MPDZ: variants seen among roughly 807,000 people sequenced by gnomAD.
MPDZ encodes the protein multiple PDZ domain crumbs cell polarity complex component, also known as multiple PDZ domain protein.
A neutral mutation model predicts 239.1 loss-of-function variants in MPDZ; 234 were observed. The observed-to-expected ratio is 0.98, with a 90% CI of 0.88 to 1.09. The LOEUF (loss-of-function observed/expected upper bound fraction) is 1.09. Ranked by LOEUF, MPDZ falls within the 50% of genes least tolerant of loss-of-function variation. The pLI, the probability that MPDZ is intolerant of heterozygous loss-of-function variation, is 0.00. For synonymous variants in MPDZ, 1,048 were observed against 881.3 expected, an observed-to-expected ratio of 1.19 and a Z score of -3.35; for missense variants, 3,175 against 2,510.0, an observed-to-expected ratio of 1.26 and a Z score of -5.66.
chr9:13,260,222 C>T lies in MPDZ; in HGVS notation c.-57-9850G>A, dbSNP rs1970361395. 2.0e-5 allele frequency among the ~76,000 whole-genome samples: 3 copies of T among 151,710 alleles called. No homozygotes were observed. The South Asian group carries it at 6.2e-4, about 32-fold the overall frequency. ...ATCACTCTGGCAATGGTATGGAGGACATACAAAAATCAAGAGAAGCTATGG... is the reference window on the plus strand; with the variant it reads ...ATCACTCTGGCAATGGTATGGAGGATATACAAAAATCAAGAGAAGCTATGG... On this transcript the variant is annotated intron_variant, in intron 1 of 46. Coordinates refer to ENST00000319217, the MANE Select transcript of MPDZ (RefSeq NM_001378778.1).
At position 13,244,138 on chromosome 9, in the gene MPDZ, T is replaced by A. The variant is rs140348773; in HGVS notation, c.183+3497A>T. On this transcript the variant is annotated intron_variant, in intron 3 of 46. Coordinates refer to ENST00000319217, the MANE Select transcript of MPDZ (RefSeq NM_001378778.1). ...AGATAATTCAGGGTAAAAAGATTAA[T>A]TTAGTGCCACTGGTCAATTCTTAAG... 1.3e-5 allele frequency among the ~76,000 whole-genome samples: 2 copies of A among 152,212 alleles called. 1 individual carries two copies. Among genetic ancestry groups the A allele is most frequent in the African/African-American group, 4.8e-5 (2 of 41,456 alleles).
intron 3 of MPDZ, among the ~76,000 whole-genome samples, chr9:13,245,435 A>T (rs1286818800): frequency 1.3e-5 from 2 of 151,526 alleles, no homozygotes; most frequent in East Asian, 1.9e-4. Context: ...AAGAAGAAGA[A>T]GATGTGAGAC....
chr9:13,166,152 C>T (rs1211181977), intron 22 of MPDZ, among the ~76,000 whole-genome samples: 2 of 152,002 alleles, frequency 1.3e-5, no homozygotes, highest in Non-Finnish European at 2.9e-5. Flanking sequence ...TGGATGGAGC[C>T]TAGATCCAGG....
At chr9:13,233,580 AT>A (rs1319173973) in intron 3 of MPDZ, among the ~76,000 whole-genome samples, 3 of 152,160 alleles carry the variant, frequency 2.0e-5, no homozygotes, top group African/African-American at 7.2e-5. Flanking sequence ...TGAGGGTTAC[AT>A]GTATATTTAA....
intron 40 of MPDZ, 79 bp downstream of exon 40, chr9:13,115,169 C>G (rs572072412): frequency 1.6e-6 from 2 of 1,246,720 alleles, no homozygotes; most frequent in African/African-American, 1.5e-5. Context: ...ACCTTGTACA[C>G]AGACCCACAG....
In MPDZ at chr9:13,109,107, C is replaced by CTA. The variant is rs768376964; in HGVS notation, c.5943-50_5943-49dup. 7.5e-5 allele frequency: 91 copies of CTA among 1,214,202 alleles called. 1 individual carries two copies. Among genetic ancestry groups the CTA allele is most frequent in the East Asian group, 2.1e-4 (7 of 33,234 alleles). 75.2% of individuals were successfully genotyped at this position (1,214,202 alleles called of 1,614,324 possible). A position where few individuals can be genotyped will look rare whatever the true frequency, so the allele number is the denominator to read the frequency against. On this transcript the variant is annotated intron_variant, in intron 45 of 46. Transcript: ENST00000319217. ...GAGGTTTTAAATTAAAAAAAAAAAA[C>CTA]TATACATATATGTTATGAATTATCT... is the stretch of plus-strand genomic sequence containing the variant.
intron 10 of MPDZ, among the ~76,000 whole-genome samples, chr9:13,207,268 A>G (rs554967297): frequency 2.0e-5 from 3 of 152,166 alleles, no homozygotes; most frequent in African/African-American, 4.8e-5. Context: ...AGATATGATC[A>G]TATCTCCCCA....
intron 1 of MPDZ, among the ~76,000 whole-genome samples, chr9:13,255,400 T>C (rs1969195547): frequency 6.6e-6 from 1 of 152,218 alleles, no homozygotes. Flanking sequence ...ACAAATATCT[T>C]AATGGCATTT....
chr9:13,182,768 T>C (rs1021059954), intron 19 of MPDZ, among the ~76,000 whole-genome samples: 4 of 152,296 alleles, frequency 2.6e-5, no homozygotes, highest in South Asian at 2.1e-4. Flanking sequence ...GTATTACTTA[T>C]TGAACATTAT....
chr9:13,265,320 A>C (rs1013739150), intron 1 of MPDZ, among the ~76,000 whole-genome samples: 1 of 152,198 alleles, frequency 6.6e-6, no homozygotes, highest in Admixed American at 6.5e-5. Context: ...CTGTCATCCC[A>C]GCACTTTGGG....
intron 39 of MPDZ, among the ~76,000 whole-genome samples, chr9:13,118,033 G>A (rs1337986966): frequency 2.6e-5 from 4 of 151,746 alleles, no homozygotes; most frequent in Admixed American, 1.3e-4. Context: ...TAGTAGAGAC[G>A]GGGTTTCTCC....
At position 13,184,950 on chromosome 9, in the gene MPDZ, G is replaced by T. The variant is rs563780448; in HGVS notation, c.2481+1320C>A. Among the ~76,000 whole-genome samples, 5 of 152,066 alleles carry T rather than the reference G, an allele frequency of 3.3e-5. No individual in the cohort carries two copies. In the East Asian group the frequency reaches 9.7e-4, roughly 29 times the overall value. ...GTGGAACTAATCTTCCTTTTGATTGGTATCCATTAAGGAGGTTCAAGGAAG... is the reference window on the plus strand; with the variant it reads ...GTGGAACTAATCTTCCTTTTGATTGTTATCCATTAAGGAGGTTCAAGGAAG... On this transcript the variant is annotated intron_variant, in intron 18 of 46. Coordinates refer to ENST00000319217, the MANE Select transcript of MPDZ (RefSeq NM_001378778.1).
intron 10 of MPDZ, among the ~76,000 whole-genome samples, chr9:13,206,440 G>A (rs545586981): frequency 3.3e-5 from 5 of 152,080 alleles, no homozygotes; most frequent in Admixed American, 2.6e-4. Context: ...CCAGCCTGGA[G>A]TGCAGTGGTG....
rs766811980 is a variant in MPDZ, at chr9:13,110,729, C to G, written c.5736G>C (p.Arg1912Ser). The G allele has an allele frequency of 1.2e-6, 2 of 1,612,944 alleles. No individual in the cohort carries two copies. The highest frequency in any genetic ancestry group is 1.7e-6 in the Non-Finnish European group (2 of 1,179,426). ...AQTQKLRVGD[R>S]IVTICGTSTE... ...TGGATGTGCCACAGATGGTGACAAT[C>G]CTATCCCCAACCTGCAAGGGAGAGA... The change falls in exon 44 of 47, where the codon AGG (arginine) becomes AGC (serine). Residue 1912 changes from arginine to serine, a missense_variant. Physicochemically the swap from Arg to Ser is moderately radical, Grantham distance 110 (BLOSUM62 -1). Coordinates refer to ENST00000319217, the MANE Select transcript of MPDZ (RefSeq NM_001378778.1).
chr9:13,158,257 C>T lies in MPDZ; in HGVS notation c.3360-147G>A, dbSNP rs558458871. 2.2e-4 allele frequency: 139 copies of T among 627,544 alleles called. 1 individual carries two copies. The South Asian group carries it at 2.7e-3, about 12-fold the overall frequency. The allele number at this position is 627,544 out of a possible 1,614,324, so 38.9% of individuals were successfully genotyped here. On this transcript the variant is annotated intron_variant, in intron 23 of 46. Coordinates refer to ENST00000319217, the MANE Select transcript of MPDZ (RefSeq NM_001378778.1). ...CCATAAGTATAAAATATTTTTACAT[C>T]GGGGGGAAGAAAAACGTAACCAAAC...
chr9:13,244,622 T>A (rs917137148), intron 3 of MPDZ, among the ~76,000 whole-genome samples: 1 of 152,174 alleles, frequency 6.6e-6, no homozygotes, highest in African/African-American at 2.4e-5. Flanking sequence ...AAATAGCACA[T>A]CCCTTCAGGG....
intron 3 of MPDZ, among the ~76,000 whole-genome samples, chr9:13,231,665 T>C (rs1464226714): frequency 1.3e-5 from 2 of 151,722 alleles, no homozygotes; most frequent in Non-Finnish European, 2.9e-5. Flanking sequence ...AGAGTTTCAC[T>C]GGTAAATTCT....
intron 3 of MPDZ, among the ~76,000 whole-genome samples, chr9:13,242,043 G>A (rs1234969131): frequency 2.0e-5 from 3 of 151,984 alleles, no homozygotes; most frequent in Non-Finnish European, 4.4e-5. Flanking sequence ...TACTTGTGTG[G>A]CCTTGGGCAG....
Position 13,119,618 on chromosome 9 carries a change from C to T in MPDZ, c.5263G>A (p.Val1755Ile). 6.2e-7 allele frequency: 1 copy of T among 1,613,982 alleles called. No homozygotes were observed. ...NDTGVFVSDI[V>I]KGGIADADGR... Reference sequence around the variant, plus strand: ...TCGGCATCTGCAATTCCTCCTTTGACAATGTCTGACACAAATACTCCAGTA... The same window carrying T: ...TCGGCATCTGCAATTCCTCCTTTGATAATGTCTGACACAAATACTCCAGTA... Residue 1755 changes from valine (V) to isoleucine (I), a missense_variant, in exon 39 of 47, where the codon GTC becomes ATC. By Grantham distance (29) the Val-to-Ile change is conservative. Coordinates refer to ENST00000319217, the MANE Select transcript of MPDZ (RefSeq NM_001378778.1).
Sources: allele counts gnomAD v4.1 joint callset (sites outside exome capture counted in the v4.1 genomes callset), GRCh38; gene constraint gnomAD v4.1.1; transcripts MANE v1.5; gene names NCBI Gene and HGNC (gene_info 2026-07-23, HGNC 2026-07-21).